Variants in CDKAL1 observed in about 807,000 individuals in gnomAD.
The protein encoded by CDKAL1 is CDKAL1 threonylcarbamoyladenosine tRNA methylthiotransferase.
Under a neutral mutation model 68.2 loss-of-function variants are expected in CDKAL1, and 32 were observed. The ratio of observed to expected loss-of-function variants is 0.47; its 90% CI spans 0.35 to 0.63. CDKAL1 has a LOEUF of 0.63. CDKAL1 is among the 30% of genes least tolerant of loss of function. The pLI is 0.00. For synonymous variants in CDKAL1, 234 were observed against 244.3 expected, an observed-to-expected ratio of 0.96 and a Z score of 0.39; for missense variants, 606 against 696.7, an observed-to-expected ratio of 0.87 and a Z score of 1.47.
chr6:20,694,196 A>G (rs1392806671), intron 5 of CDKAL1, among the ~76,000 whole-genome samples: 1 of 151,788 alleles, frequency 6.6e-6, no homozygotes, highest in Non-Finnish European at 1.5e-5. Context: ...AAACAAACAA[A>G]CAAGCAAACA....
At chr6:21,092,060 G>A (rs1320247641) in intron 12 of CDKAL1, among the ~76,000 whole-genome samples, 3 of 150,804 alleles carry the variant, frequency 2.0e-5, no homozygotes, top group Non-Finnish European at 4.4e-5. Context: ...CTCATTTTTT[G>A]TATTTTTAGT....
At chr6:21,134,121 C>T (rs995838695) in intron 13 of CDKAL1, among the ~76,000 whole-genome samples, 4 of 152,082 alleles carry the variant, frequency 2.6e-5, no homozygotes, top group Admixed American at 6.6e-5. Flanking sequence ...ACTCTGTCCC[C>T]TGCTGTGTGA....
rs969949344 is a variant in CDKAL1 at position 20,549,767 on chromosome 6, T to C, written c.286+1062T>C. Among the ~76,000 whole-genome samples the C allele has an allele frequency of 8.1e-4, 122 of 149,822 alleles. 1 individual carries two copies. The highest frequency in any genetic ancestry group is 2.8e-3 in the African/African-American group (114 of 40,694). ...GATTACAGGCATATGCCACCATGCC[T>C]GGCTAACTTTTGTATTTTTAGTAGA... On this transcript the variant is annotated intron_variant, in intron 4 of 15. Coordinates refer to ENST00000274695, the MANE Select transcript of CDKAL1 (RefSeq NM_017774.3).
intron 12 of CDKAL1, among the ~76,000 whole-genome samples, chr6:21,096,515 T>C (rs1048879425): frequency 1.3e-5 from 2 of 152,222 alleles, no homozygotes; most frequent in Non-Finnish European, 2.9e-5. Context: ...TAGAAATACA[T>C]AGAACTCCAG....
intron 13 of CDKAL1, among the ~76,000 whole-genome samples, chr6:21,139,127 G>A (rs1775772334): frequency 6.6e-6 from 1 of 152,242 alleles, no homozygotes; most frequent in Non-Finnish European, 1.5e-5. Context: ...TGATTCTCAT[G>A]TGTTAGTGAA....
chr6:21,144,547 G>T (rs1776070044), intron 13 of CDKAL1, among the ~76,000 whole-genome samples: 1 of 151,742 alleles, frequency 6.6e-6, no homozygotes. Context: ...GCACTTTGGA[G>T]GCCAAAGTGG....
chr6:20,879,361 G>A (rs931299630), intron 9 of CDKAL1, among the ~76,000 whole-genome samples: 1 of 152,204 alleles, frequency 6.6e-6, no homozygotes, highest in Non-Finnish European at 1.5e-5. Flanking sequence ...GAGTACACCT[G>A]CTGGTTTCAG....
intron 9 of CDKAL1, among the ~76,000 whole-genome samples, chr6:20,864,818 A>G (rs1759817169): frequency 6.6e-6 from 1 of 152,186 alleles, no homozygotes; most frequent in African/African-American, 2.4e-5. Flanking sequence ...TCATTCCTAA[A>G]TAAGTAAAAG....
At position 20,955,475 on chromosome 6, in the gene CDKAL1, A is replaced by G. The variant is rs767999552; in HGVS notation, c.799A>G (p.Ile267Val). The G allele has an allele frequency of 2.5e-6, 4 of 1,614,134 alleles. No homozygotes were observed. Among genetic ancestry groups the G allele is most frequent in the Non-Finnish European group, 3.4e-6 (4 of 1,179,992 alleles). The change falls in exon 10 of 16, where the codon ATT becomes GTT. Residue 267 changes from isoleucine (I) to valine (V), a missense_variant. Coordinates refer to ENST00000274695, the MANE Select transcript of CDKAL1 (RefSeq NM_017774.3). ...AGACACGGGGGCTTATGGCAGAGAT[A>G]TTGGCACCAATCTCCCCACACTCCT... The part of the protein sequence containing the change: ...SEDTGAYGRD[I>V]GTNLPTLLWK...
At chr6:20,914,468 T>G (rs1190533595) in intron 9 of CDKAL1, among the ~76,000 whole-genome samples, 1 of 152,122 alleles carries the variant, frequency 6.6e-6, no homozygotes, top group Non-Finnish European at 1.5e-5. Flanking sequence ...GACTTTATTG[T>G]GTTTATCATT....
intron 4 of CDKAL1, among the ~76,000 whole-genome samples, chr6:20,587,903 C>T (rs1431255673): frequency 6.6e-6 from 1 of 152,092 alleles, no homozygotes; most frequent in East Asian, 1.9e-4. Flanking sequence ...CGAGACCAGC[C>T]TGGGCAACAT....
intron 15 of CDKAL1, among the ~76,000 whole-genome samples, chr6:21,202,052 A>G (rs1778712402): frequency 6.6e-6 from 1 of 152,234 alleles, no homozygotes; most frequent in African/African-American, 2.4e-5. Flanking sequence ...TAATCTGTGC[A>G]TAATCTTGTT....
intron 4 of CDKAL1, among the ~76,000 whole-genome samples, chr6:20,622,742 A>G (rs1329717881): frequency 6.6e-6 from 1 of 151,072 alleles, no homozygotes; most frequent in Non-Finnish European, 1.5e-5. Context: ...GCTATCTTTT[A>G]CTTTGACCAA....
At chr6:20,894,855 A>G (rs1014761040) in intron 9 of CDKAL1, among the ~76,000 whole-genome samples, 4 of 152,266 alleles carry the variant, frequency 2.6e-5, no homozygotes, top group East Asian at 1.9e-4. Flanking sequence ...AAATATATAT[A>G]CAGTAGGTAA....
intron 11 of CDKAL1, among the ~76,000 whole-genome samples, chr6:21,058,261 A>T (rs531832538): frequency 1.3e-5 from 2 of 152,322 alleles, no homozygotes; most frequent in South Asian, 4.1e-4. Context: ...CTTTACCATT[A>T]TGTAATACCC....
At chr6:20,972,043 A>G (rs528358993) in intron 10 of CDKAL1, among the ~76,000 whole-genome samples, 1 of 152,312 alleles carries the variant, frequency 6.6e-6, no homozygotes, top group Admixed American at 6.5e-5. Flanking sequence ...CTGAGACACC[A>G]AGGGCTTCTG....
At chr6:20,934,957 G>A (rs114690964) in intron 9 of CDKAL1, among the ~76,000 whole-genome samples, 3 of 149,040 alleles carry the variant, frequency 2.0e-5, no homozygotes, top group Non-Finnish European at 3.0e-5. Flanking sequence ...GTTCAATGGC[G>A]CAGTCTCGGC....
chr6:20,718,382 A>G (rs552334900), intron 5 of CDKAL1, among the ~76,000 whole-genome samples: 1 of 152,306 alleles, frequency 6.6e-6, no homozygotes, highest in South Asian at 2.1e-4. Context: ...GAAGACATTG[A>G]CAGTTCCCTA....
At chr6:20,723,562 A>G (rs78489263) in intron 5 of CDKAL1, 2,598 of 193,496 alleles carry the variant, frequency 0.013, 61 homozygotes, top group African/African-American at 0.055. Flanking sequence ...AAAATCCTGC[A>G]TTACTTGCTC....
Sources: allele counts gnomAD v4.1 joint callset (sites outside exome capture counted in the v4.1 genomes callset), GRCh38; gene constraint gnomAD v4.1.1; transcripts MANE v1.5; gene names NCBI Gene and HGNC (gene_info 2026-07-23, HGNC 2026-07-21).